Variants in ADGRB3 observed in about 807,000 individuals in gnomAD.
ADGRB3 encodes the protein brain-specific angiogenesis inhibitor 3.
ADGRB3 carries 37 observed loss-of-function variants against 193.4 expected under a neutral mutation model. The observed-to-expected ratio is 0.19, with a 90% confidence interval of 0.15 to 0.25. The LOEUF is 0.25. ADGRB3 is among the 10% of genes least tolerant of loss of function. The pLI is 1.00. For missense variants in ADGRB3, 1,637 were observed against 1,852.9 expected (o/e 0.88, Z 2.14); for synonymous variants, 690 against 644.2 (o/e 1.07, Z -1.08).
chr6:69,338,828 G>A (rs559264075), intron 24 of ADGRB3, 88 bp from the exon 25 acceptor site: 276 of 1,050,652 alleles, frequency 2.6e-4, no homozygotes, highest in East Asian at 8.6e-4. Flanking sequence ...GCATGAAATC[G>A]TATTTAAAAG....
At chr6:69,190,974 G>C (rs893189089) in intron 17 of ADGRB3, among the ~76,000 whole-genome samples, 11 of 152,124 alleles carry the variant, frequency 7.2e-5, no homozygotes, top group African/African-American at 2.7e-4. Flanking sequence ...ACTCTATGAG[G>C]TTTGTGCTAC....
At chr6:68,755,471 A>G (rs939913780) in intron 3 of ADGRB3, among the ~76,000 whole-genome samples, 7 of 152,164 alleles carry the variant, frequency 4.6e-5, no homozygotes, top group African/African-American at 1.4e-4. Context: ...CTCACAATCA[A>G]TTTGATGGTT....
At chr6:68,928,138 G>C (rs1767234627) in intron 3 of ADGRB3, among the ~76,000 whole-genome samples, 1 of 152,050 alleles carries the variant, frequency 6.6e-6, no homozygotes, top group Non-Finnish European at 1.5e-5. Context: ...AATATAAAAT[G>C]ATTTACTTAA....
At position 68,993,910 on chromosome 6, in the gene ADGRB3, T is replaced by C. The variant is rs1334418999; in HGVS notation, c.1877T>C (p.Val626Ala). 3.7e-6 allele frequency: 6 copies of C among 1,613,856 alleles called. No individual in the cohort carries two copies. Among genetic ancestry groups the C allele is most frequent in the Non-Finnish European group, 5.1e-6 (6 of 1,179,832 alleles). ...LLMSVEILRN[V>A]TDTFKRASYI... ...ATGTCTGTGGAGATCCTGAGAAATGTGACAGACACATTTAAAAGGGCAAGT... is the reference window on the plus strand; with the variant it reads ...ATGTCTGTGGAGATCCTGAGAAATGCGACAGACACATTTAAAAGGGCAAGT... Residue 626 changes from valine (V) to alanine (A), a missense_variant, in exon 11 of 32, where the codon GTG (valine) becomes GCG (alanine). Val to Ala is a moderately conservative substitution (Grantham distance 64). This residue lies in a region of ADGRB3 where 641 missense variants were observed against 673.9 expected (regional missense o/e 0.95). Coordinates refer to ENST00000370598, the MANE Select transcript of ADGRB3 (RefSeq NM_001704.3).
At position 69,357,864 on chromosome 6, in the gene ADGRB3, G is replaced by A. The variant is rs193012594; in HGVS notation, c.3595+2004G>A. Among the ~76,000 whole-genome samples, 144 of 151,764 alleles carry A rather than the reference G, an allele frequency of 9.5e-4. 1 individual carries two copies. Among genetic ancestry groups the A allele is most frequent in the African/African-American group, 3.4e-3 (142 of 41,418 alleles). ...TAGTGCTTGGTTTCCAGAATTGATC[G>A]TTTTCCTTTTTTGGATAATTGATAT... On this transcript the variant is annotated intron_variant, in intron 28 of 31. Transcript: ENST00000370598.
chr6:69,187,907 G>A (rs1375739524), intron 17 of ADGRB3, among the ~76,000 whole-genome samples: 1 of 152,178 alleles, frequency 6.6e-6, no homozygotes, highest in Non-Finnish European at 1.5e-5. Context: ...CAAAGATGGA[G>A]AACCTGGAGG....
chr6:69,252,094 G>T lies in ADGRB3; in HGVS notation c.2814+12868G>T, dbSNP rs1368795614. ...TCCCCTCATAGGCAAGCGTTGTTCT[G>T]ATTCCTGTCATCGTGAATTCATTTT... On this transcript the variant is annotated intron_variant, in intron 20 of 31. Coordinates refer to ENST00000370598, the MANE Select transcript of ADGRB3 (RefSeq NM_001704.3). Among the ~76,000 whole-genome samples, 8 of 152,174 alleles carry T rather than the reference G, an allele frequency of 5.3e-5. No individual in the cohort carries two copies. The East Asian group carries it at 1.5e-3, about 29-fold the overall frequency.
At chr6:68,981,044 A>G (rs988308864) in intron 10 of ADGRB3, among the ~76,000 whole-genome samples, 1 of 151,626 alleles carries the variant, frequency 6.6e-6, no homozygotes, top group African/African-American at 2.4e-5. Context: ...TTCTAACTAC[A>G]TGGTCCTCTC....
At chr6:69,007,433 C>T (rs1261370394) in intron 11 of ADGRB3, among the ~76,000 whole-genome samples, 1 of 152,032 alleles carries the variant, frequency 6.6e-6, no homozygotes, top group Non-Finnish European at 1.5e-5. Flanking sequence ...TTAATATTTT[C>T]ATCCCTTCAC....
At chr6:69,105,283 A>G (rs1773175881) in intron 17 of ADGRB3, among the ~76,000 whole-genome samples, 1 of 152,106 alleles carries the variant, frequency 6.6e-6, no homozygotes, top group South Asian at 2.1e-4. Context: ...TAAAATTTCC[A>G]GGGATCTAAT....
chr6:69,252,319 A>G (rs1011081977), intron 20 of ADGRB3, among the ~76,000 whole-genome samples: 7 of 152,134 alleles, frequency 4.6e-5, no homozygotes, highest in Admixed American at 4.6e-4. Context: ...TAGACATATG[A>G]ATTGTTTTTA....
At chr6:69,310,040 T>C (rs1371783885) in intron 20 of ADGRB3, among the ~76,000 whole-genome samples, 1 of 151,836 alleles carries the variant, frequency 6.6e-6, no homozygotes, top group African/African-American at 2.4e-5. Context: ...TGTTTGTGGG[T>C]AAAAATGAAG....
At chr6:68,890,658 TG>T (rs1278238408) in intron 3 of ADGRB3, among the ~76,000 whole-genome samples, 2 of 152,208 alleles carry the variant, frequency 1.3e-5, no homozygotes, top group Non-Finnish European at 2.9e-5. Flanking sequence ...TAATAAAATC[TG>T]TGATGCAGGG....
intron 3 of ADGRB3, among the ~76,000 whole-genome samples, chr6:68,926,653 A>G (rs1181622220): frequency 2.0e-5 from 3 of 152,172 alleles, no homozygotes; most frequent in Non-Finnish European, 1.5e-5. Flanking sequence ...CCATTGCTAG[A>G]TAGATTACAG....
chr6:68,950,353 T>C (rs1366573333), intron 6 of ADGRB3, among the ~76,000 whole-genome samples: 2 of 152,204 alleles, frequency 1.3e-5, no homozygotes, highest in Non-Finnish European at 2.9e-5. Flanking sequence ...GTGTTGATTC[T>C]GACCTGGCTA....
At chr6:68,999,682 T>A (rs1769509105) in intron 11 of ADGRB3, among the ~76,000 whole-genome samples, 1 of 152,192 alleles carries the variant, frequency 6.6e-6, no homozygotes, top group African/African-American at 2.4e-5. Context: ...TTTTTCTACT[T>A]CTGTGGGCTT....
At chr6:69,333,835 C>T (rs1768779430) in intron 24 of ADGRB3, among the ~76,000 whole-genome samples, 1 of 150,958 alleles carries the variant, frequency 6.6e-6, no homozygotes, top group Admixed American at 6.6e-5. Flanking sequence ...GAGGCTGAGG[C>T]AGGAGAATGG....
chr6:68,712,765 T>C (rs1765426794), intron 3 of ADGRB3, among the ~76,000 whole-genome samples: 2 of 152,084 alleles, frequency 1.3e-5, no homozygotes, highest in Non-Finnish European at 2.9e-5. Flanking sequence ...TTATCACTGT[T>C]GTTGGGAATA....
At chr6:69,170,813 T>A (rs1272748073) in intron 17 of ADGRB3, among the ~76,000 whole-genome samples, 1 of 152,118 alleles carries the variant, frequency 6.6e-6, no homozygotes, top group East Asian at 1.9e-4. Context: ...AATTCAGATA[T>A]GGAATTAGAG....
Sources: gnomAD v4.1 joint callset for allele counts (sites outside exome capture counted in the v4.1 genomes callset) on GRCh38, gnomAD v4.1.1 for gene constraint, gnomAD v4.1.1 regional missense constraint, MANE v1.5 for transcripts, NCBI Gene and HGNC (gene_info 2026-07-23, HGNC 2026-07-21) for gene names.